SYNPR: variants seen among roughly 807,000 people sequenced by gnomAD.
The protein encoded by SYNPR is synaptoporin.
SYNPR carries 23 observed loss-of-function variants against 32.9 expected under a neutral mutation model. The observed-to-expected ratio is 0.70, with a 90% CI of 0.50 to 0.99. The LOEUF (loss-of-function observed/expected upper bound fraction) is 0.99. Among genes scored for constraint, SYNPR ranks in the 50% least tolerant of loss-of-function variants. The probability of loss-of-function intolerance (pLI) is 0.00; values close to 1 mark genes in which losing one functional copy is unlikely to be tolerated. For synonymous variants in SYNPR, 146 were observed against 135.9 expected, an observed-to-expected ratio of 1.07 and a Z score of -0.52; for missense variants, 318 against 349.3, an observed-to-expected ratio of 0.91 and a Z score of 0.71.
At chr3:63,281,836 G>C in intron 2 of SYNPR, among the ~76,000 whole-genome samples, 1 of 152,236 alleles carries the variant, frequency 6.6e-6, no homozygotes. Context: ...TCCATTATAA[G>C]AAAATAATTA....
At chr3:63,400,577 A>T (rs1193681538) in intron 2 of SYNPR, among the ~76,000 whole-genome samples, 1 of 152,198 alleles carries the variant, frequency 6.6e-6, no homozygotes, top group Non-Finnish European at 1.5e-5. Context: ...CAGGAGAGAG[A>T]TCAAGGAGGA....
At chr3:63,535,962 T>C (rs565417027) in intron 3 of SYNPR, among the ~76,000 whole-genome samples, 1 of 152,054 alleles carries the variant, frequency 6.6e-6, no homozygotes, top group Admixed American at 6.6e-5. Context: ...TTAAAAACAT[T>C]TGTATTTTAA....
intron 2 of SYNPR, among the ~76,000 whole-genome samples, chr3:63,416,531 TAAA>T (rs60383627): frequency 2.3e-3 from 246 of 105,302 alleles, no homozygotes; most frequent in African/African-American, 7.8e-3. Context: ...GACTCTGTCT[TAAA>T]AAAAAAAAAA....
chr3:63,554,267 G>C (rs1343446290), intron 3 of SYNPR, among the ~76,000 whole-genome samples: 5 of 152,092 alleles, frequency 3.3e-5, no homozygotes, highest in African/African-American at 1.2e-4. Flanking sequence ...TTTGCTTTTG[G>C]GGACTTAGCC....
intron 2 of SYNPR, among the ~76,000 whole-genome samples, chr3:63,454,052 A>G (rs1700432618): frequency 6.6e-6 from 1 of 152,158 alleles, no homozygotes; most frequent in Admixed American, 6.6e-5. Context: ...TAATTTATTC[A>G]TTCAGTAAAT....
intron 2 of SYNPR, among the ~76,000 whole-genome samples, chr3:63,407,479 T>C (rs560867389): frequency 5.9e-5 from 9 of 152,340 alleles, no homozygotes; most frequent in Non-Finnish European, 1.2e-4. Flanking sequence ...ACTTTGATTT[T>C]ATTATTTGTA....
chr3:63,423,011 A>C (rs1346441956), intron 2 of SYNPR, among the ~76,000 whole-genome samples: 2 of 152,238 alleles, frequency 1.3e-5, no homozygotes, highest in African/African-American at 4.8e-5. Flanking sequence ...TAAAAATCTA[A>C]TGTCTAGAAA....
At chr3:63,544,942 C>A (rs905429656) in intron 3 of SYNPR, among the ~76,000 whole-genome samples, 1 of 151,548 alleles carries the variant, frequency 6.6e-6, no homozygotes, top group Non-Finnish European at 1.5e-5. Flanking sequence ...GATGAGAAAT[C>A]TGAAGCTCAG....
chr3:63,507,627 G>A (rs893566196), intron 3 of SYNPR, among the ~76,000 whole-genome samples: 1 of 152,066 alleles, frequency 6.6e-6, no homozygotes, highest in Non-Finnish European at 1.5e-5. Context: ...TCAGATTCTG[G>A]AATGGAGAAA....
chr3:63,484,125 G>A (rs1202113019), intron 3 of SYNPR, among the ~76,000 whole-genome samples: 3 of 152,082 alleles, frequency 2.0e-5, no homozygotes, highest in Non-Finnish European at 2.9e-5. Context: ...TAAATATGCC[G>A]AAGTGCATAT....
At chr3:63,208,828 A>G in the SYNPR span, among the ~76,000 whole-genome samples, 1 of 152,176 alleles carries the variant, frequency 6.6e-6, no homozygotes, top group African/African-American at 2.4e-5. Context: ...TTAGTAAGAA[A>G]CATTGATTTG....
chr3:63,447,704 G>A (rs1040669404), intron 2 of SYNPR, among the ~76,000 whole-genome samples: 17 of 151,992 alleles, frequency 1.1e-4, no homozygotes, highest in African/African-American at 3.6e-4. Flanking sequence ...TCTCCACTCT[G>A]CAGACTAATG....
intron 1 of SYNPR, among the ~76,000 whole-genome samples, chr3:63,238,242 C>A (rs529911556): frequency 6.6e-5 from 10 of 152,134 alleles, no homozygotes; most frequent in Middle Eastern, 6.8e-3. Flanking sequence ...TATAGTTGTG[C>A]ACAGTTGGAG....
At chr3:63,244,486 G>A (rs759133108) in intron 1 of SYNPR, among the ~76,000 whole-genome samples, 4 of 152,046 alleles carry the variant, frequency 2.6e-5, no homozygotes, top group Non-Finnish European at 5.9e-5. Flanking sequence ...TTTAGTCTAA[G>A]GACAGACTTG....
intron 1 of SYNPR, among the ~76,000 whole-genome samples, chr3:63,233,928 A>G (rs1243990771): frequency 6.6e-6 from 1 of 152,158 alleles, no homozygotes; most frequent in Non-Finnish European, 1.5e-5. Context: ...GACTGAGGAG[A>G]CAGACACAGG....
At chr3:63,232,359 G>A (rs1320410051) in intron 1 of SYNPR, among the ~76,000 whole-genome samples, 1 of 151,708 alleles carries the variant, frequency 6.6e-6, no homozygotes, top group Non-Finnish European at 1.5e-5. Flanking sequence ...GCACCACCAG[G>A]CCCGGTGAAT....
intron 4 of SYNPR, among the ~76,000 whole-genome samples, chr3:63,603,676 G>C (rs1185923498): frequency 6.6e-6 from 1 of 152,174 alleles, no homozygotes; most frequent in Non-Finnish European, 1.5e-5. Flanking sequence ...CACCAACCTT[G>C]CATCCCAGGG....
At chr3:63,360,508 A>G (rs1293755086) in intron 2 of SYNPR, among the ~76,000 whole-genome samples, 1 of 152,216 alleles carries the variant, frequency 6.6e-6, no homozygotes, top group African/African-American at 2.4e-5. Context: ...ATGACTTTCT[A>G]TTACGTTAAA....
At chr3:63,423,663 T>G (rs1699840062) in intron 2 of SYNPR, 2 of 152,254 alleles carry the variant, frequency 1.3e-5, no homozygotes, top group African/African-American at 4.8e-5. Context: ...TCTTCTTGGT[T>G]CCATGAGGAG....
Sources: gnomAD v4.1 joint callset for allele counts (sites outside exome capture counted in the v4.1 genomes callset) on GRCh38, gnomAD v4.1.1 for gene constraint, MANE v1.5 for transcripts, NCBI Gene and HGNC (gene_info 2026-07-23, HGNC 2026-07-21) for gene names.